Variants in OLAH observed in about 807,000 individuals in gnomAD.
OLAH encodes S-acyl fatty acid synthase thioesterase, medium chain.
A neutral mutation model predicts 27.8 loss-of-function variants in OLAH; 33 were observed. The observed-to-expected ratio is 1.19, with a 90% CI of 0.90 to 1.59. The LOEUF (loss-of-function observed/expected upper bound fraction) is 1.59. OLAH is among the 40% of genes most tolerant of loss of function. The probability of loss-of-function intolerance (pLI) is 0.00; values close to 1 mark genes in which losing one functional copy is unlikely to be tolerated. For synonymous variants in OLAH, 120 were observed against 102.9 expected, an observed-to-expected ratio of 1.17 and a Z score of -1.01; for missense variants, 359 against 310.8, an observed-to-expected ratio of 1.16 and a Z score of -1.17.
intron 6 of OLAH, chr10:15,071,497 G>A (rs1360745259): frequency 2.0e-6 from 2 of 984,412 alleles, no homozygotes; most frequent in African/African-American, 3.5e-5. Flanking sequence ...CTTCGTTTCT[G>A]ATGACAGTTT....
intron 3 of OLAH, among the ~76,000 whole-genome samples, chr10:15,057,226 C>T (rs1844263342): frequency 6.6e-6 from 1 of 152,042 alleles, no homozygotes. Flanking sequence ...CATATTTGAG[C>T]CTGCCTTTTG....
chr10:15,039,097 G>GCA (rs757845150), upstream of OLAH, among the ~76,000 whole-genome samples: 15 of 151,908 alleles, frequency 9.9e-5, no homozygotes, highest in Non-Finnish European at 2.2e-4. Flanking sequence ...GTGGTGGTGT[G>GCA]CACCTCTAGT....
intron 7 of OLAH, among the ~76,000 whole-genome samples, chr10:15,072,296 T>C (rs1211430911): frequency 6.6e-6 from 1 of 152,166 alleles, no homozygotes; most frequent in Non-Finnish European, 1.5e-5. Flanking sequence ...TTACGTTCGA[T>C]GATTTTTGAC....
rs141772050 is a variant in OLAH, at chr10:15,038,274, C to T, written c.-164+5924C>T. Among the ~76,000 whole-genome samples, 9 of 152,308 alleles carry T rather than the reference C, an allele frequency of 5.9e-5. No individual in the cohort carries two copies. The East Asian group carries it at 1.7e-3, about 29-fold the overall frequency. ...GATAGGCGGAAGGGACTCACCTTGT[C>T]TCAGATAAGATGTTGGACTGTGGAC... is the stretch of plus-strand genomic sequence containing the variant. On this transcript the variant is annotated intron_variant, in intron 1 of 3. Transcript: ENST00000413672.
At chr10:15,034,832 G>T (rs1407229042) in intron 1 of OLAH, among the ~76,000 whole-genome samples, 12 of 126,604 alleles carry the variant, frequency 9.5e-5, no homozygotes, top group African/African-American at 2.8e-4. Context: ...GACGGGTCTT[G>T]CTCTTGTTGC....
At chr10:15,039,015 G>A (rs1375773093), upstream of OLAH, among the ~76,000 whole-genome samples, 1 of 152,054 alleles carries the variant, frequency 6.6e-6, no homozygotes, top group East Asian at 1.9e-4. Flanking sequence ...TTGAAGTCAG[G>A]AATTCGAGAC....
At chr10:15,050,620 C>T (rs1844117611) in intron 3 of OLAH, among the ~76,000 whole-genome samples, 1 of 147,238 alleles carries the variant, frequency 6.8e-6, no homozygotes, top group East Asian at 2.0e-4. Context: ...TGGCTCACTC[C>T]AAGCTCCGCT....
rs1484915570 is a variant in OLAH at position 15,065,752 on chromosome 10, A to G, written c.571A>G (p.Thr191Ala). 1.9e-6 allele frequency: 3 copies of G among 1,585,008 alleles called. No homozygotes were observed. Among genetic ancestry groups the G allele is most frequent in the Non-Finnish European group, 2.6e-6 (3 of 1,170,426 alleles). ...AGATCTGAACATTGTTAGAAGTTGC[A>G]CGTAAGTAACAGAAACAAGGTTTTT... ...RADLNIVRSCTSNVPSKAVLS... is the reference protein window; with the variant it reads ...RADLNIVRSCASNVPSKAVLS... Residue 191 changes from threonine to alanine, a missense_variant and splice_region_variant, in exon 6 of 8, where the codon ACC becomes GCC. Coordinates refer to ENST00000378228, the MANE Select transcript of OLAH (RefSeq NM_001039702.3).
chr10:15,073,033 G>T (rs1844622216), intron 7 of OLAH, 54 bp from the exon 8 acceptor site: 17 of 1,550,024 alleles, frequency 1.1e-5, no homozygotes, highest in Non-Finnish European at 1.4e-5. Context: ...GTCTTGATGT[G>T]AATCTTTAGT....
At chr10:15,048,330 G>GC (rs1844062721) in intron 2 of OLAH, among the ~76,000 whole-genome samples, 1 of 152,134 alleles carries the variant, frequency 6.6e-6, no homozygotes, top group African/African-American at 2.4e-5. Context: ...TAATCCTCCT[G>GC]CCTCAGCCTC....
chr10:15,061,864 T>C lies in OLAH; in HGVS notation c.302+2T>C, dbSNP rs1437166059. The C allele has an allele frequency of 1.9e-6, 3 of 1,612,348 alleles. No individual in the cohort carries two copies. Among genetic ancestry groups the C allele is most frequent in the Admixed American group, 1.7e-5 (1 of 59,528 alleles). Reference sequence around the variant, plus strand: ...ACCATTTGCATTTTTTGGCCACAGGTATTTGATATCTGTTTTAAAAGACTT... The same window carrying C: ...ACCATTTGCATTTTTTGGCCACAGGCATTTGATATCTGTTTTAAAAGACTT... On this transcript the variant is annotated splice_donor_variant, in intron 4 of 7. Coordinates refer to ENST00000378228, the MANE Select transcript of OLAH (RefSeq NM_001039702.3). LOFTEE classifies it high-confidence loss of function.
intron 3 of OLAH, among the ~76,000 whole-genome samples, chr10:15,061,509 T>TC (rs1330118012): frequency 6.6e-6 from 1 of 152,144 alleles, no homozygotes; most frequent in Non-Finnish European, 1.5e-5. Flanking sequence ...TTCTAGGTGT[T>TC]CCCTTTATCT....
At chr10:15,035,442 G>A (rs989273161) in intron 1 of OLAH, among the ~76,000 whole-genome samples, 5 of 152,132 alleles carry the variant, frequency 3.3e-5, no homozygotes, top group African/African-American at 4.8e-5. Flanking sequence ...TGGGGGAAGG[G>A]GAAGTAGGAA....
At chr10:15,048,299 C>G (rs574784107) in intron 2 of OLAH, among the ~76,000 whole-genome samples, 14 of 149,710 alleles carry the variant, frequency 9.4e-5, no homozygotes, top group African/African-American at 3.6e-4. Context: ...CTCACTGCAA[C>G]CCCCCCCTCC....
At chr10:15,071,988 C>A in intron 7 of OLAH, 111 bp downstream of exon 7, 1 of 708,482 alleles carries the variant, frequency 1.4e-6, no homozygotes, top group Non-Finnish European at 2.4e-6. Flanking sequence ...GGCTGGAGTG[C>A]AATGGCGCAA....
intron 3 of OLAH, 26 bp from the exon 4 acceptor site, chr10:15,061,698 G>A (rs373078507): frequency 7.0e-6 from 11 of 1,575,106 alleles, no homozygotes; most frequent in Middle Eastern, 3.4e-4. Context: ...GTCTGTGCGT[G>A]TTCACTTGTG....
rs557453617 is a variant in OLAH at position 15,056,897 on chromosome 10, C to T, written c.164-4827C>T. 2.6e-6 allele frequency: 4 copies of T among 1,536,012 alleles called. No homozygotes were observed. In the African/African-American group the frequency reaches 4.1e-5, roughly 16 times the overall value. The stretch of plus-strand genomic sequence containing the variant: ...CAAGTGATCCTCCTGCTTCAGCCTA[C>T]CCATGTGCTGGCGTGAGCCACCGTA... On this transcript the variant is annotated intron_variant, in intron 3 of 7. Transcript: ENST00000378228.
At chr10:15,050,543 T>TC (rs1280498361) in intron 3 of OLAH, among the ~76,000 whole-genome samples, 1 of 143,370 alleles carries the variant, frequency 7.0e-6, no homozygotes, top group Non-Finnish European at 1.5e-5. Flanking sequence ...GCTAGGATTT[T>TC]TTTTTTTTTT....
Position 15,073,537 on chromosome 10 carries a change from G to GT in OLAH, c.*309dup. On this transcript the variant is annotated 3_prime_UTR_variant, in exon 8 of 8. Transcript: ENST00000378228. ...TAGCCGGGCGTGGTGGTGGGCACCT[G>GT]TAGTCCCAGCTACTCGGGAGGCTGA... 4.7e-6 allele frequency: 1 copy of GT among 211,892 alleles called. No individual in the cohort carries two copies. The highest frequency in any genetic ancestry group is 1.6e-4 in the East Asian group (1 of 6,242). The allele number at this position is 211,892 out of a possible 1,614,324, so 13.1% of individuals were successfully genotyped here.
Sources: allele counts gnomAD v4.1 joint callset (sites outside exome capture counted in the v4.1 genomes callset), GRCh38; gene constraint gnomAD v4.1.1; transcripts MANE v1.5; gene names NCBI Gene and HGNC (gene_info 2026-07-23, HGNC 2026-07-21).